Variants in NCKAP1 observed in about 807,000 individuals in gnomAD.
NCKAP1 encodes NCK associated protein 1, also known as nck-associated protein 1.
Under a neutral mutation model 151.2 loss-of-function variants are expected in NCKAP1, and 21 were observed. The observed-to-expected ratio is 0.14, with a 90% CI of 0.10 to 0.20. NCKAP1 has a LOEUF of 0.20. Among genes scored for constraint, NCKAP1 ranks in the 10% least tolerant of loss-of-function variants. The pLI is 1.00. For synonymous variants in NCKAP1, 484 were observed against 451.8 expected (o/e 1.07, Z -0.90); for missense variants, 933 against 1,352.1 (o/e 0.69, Z 4.86).
intron 23 of NCKAP1, 117 bp from the exon 24 acceptor site, chr2:182,942,280 G>A (rs1254636190): frequency 1.8e-5 from 12 of 667,100 alleles, no homozygotes; most frequent in Middle Eastern, 3.9e-4. Context: ...AAATCCAGAC[G>A]CTCTATGCTA....
At chr2:182,995,924 A>C in intron 6 of NCKAP1, 86 bp from the exon 7 acceptor site, 1 of 1,170,916 alleles carries the variant, frequency 8.5e-7, no homozygotes, top group Non-Finnish European at 1.2e-6. Flanking sequence ...TGTGTTTCTA[A>C]CTATACCATC....
In NCKAP1 at chr2:182,986,232, G is replaced by A. The variant is rs753090669; in HGVS notation, c.948-5C>T. 2 of 1,611,000 alleles carry A rather than the reference G, an allele frequency of 1.2e-6. No homozygotes were observed. Among genetic ancestry groups the A allele is most frequent in the Non-Finnish European group, 1.7e-6 (2 of 1,177,508 alleles). On this transcript the variant is annotated splice_polypyrimidine_tract_variant and splice_region_variant and intron_variant, in intron 9 of 30. Transcript: ENST00000361354. ...TCATTAATACGTTTATTATAGCTAG[G>A]TGCAAAAACAAATTAGAACGTTAGT... is the stretch of plus-strand genomic sequence containing the variant.
intron 15 of NCKAP1, 40 bp from the exon 16 acceptor site, chr2:182,967,401 T>C (rs754934316): frequency 6.5e-7 from 1 of 1,542,426 alleles, no homozygotes; most frequent in Non-Finnish European, 8.8e-7. Flanking sequence ...CAGGTAAACA[T>C]AAATGACTTC....
At chr2:182,998,943 C>T (rs937220923) in intron 6 of NCKAP1, among the ~76,000 whole-genome samples, 15 of 150,786 alleles carry the variant, frequency 9.9e-5, no homozygotes, top group Admixed American at 9.9e-4. Flanking sequence ...ATACACCTAA[C>T]CAAGGAGGTG....
At chr2:182,937,708 C>T (rs78360449) in intron 24 of NCKAP1, among the ~76,000 whole-genome samples, 6,508 of 151,996 alleles carry the variant, frequency 0.043, 192 homozygotes, top group South Asian at 0.13. Context: ...CAATGTATAC[C>T]TTTGGACCAA....
intron 6 of NCKAP1, among the ~76,000 whole-genome samples, chr2:182,997,441 C>T (rs917462679): frequency 2.0e-5 from 3 of 152,126 alleles, no homozygotes; most frequent in South Asian, 2.1e-4. Flanking sequence ...TATGTTGTGT[C>T]GCTATTTTCA....
At chr2:182,977,025 T>A (rs1697837908) in intron 14 of NCKAP1, 74 bp from the exon 15 acceptor site, 2 of 1,058,364 alleles carry the variant, frequency 1.9e-6, no homozygotes, top group Non-Finnish European at 2.7e-6. Flanking sequence ...CATTTTAAAT[T>A]TTAAGAGCTA....
chr2:182,916,863 A>G lies in NCKAP1; in HGVS notation c.*8839T>C, dbSNP rs1016158416. ...TCGTTTTCTGTTAAAGTTACATGAC[A>G]GGGAAAATAATCTTTCCCATTTAAG... On this transcript the variant is annotated 3_prime_UTR_variant, in exon 31 of 31. Coordinates refer to ENST00000361354, the MANE Select transcript of NCKAP1 (RefSeq NM_013436.5). The G allele has an allele frequency of 1.3e-5, 2 of 152,218 alleles. No homozygotes were observed. The highest frequency in any genetic ancestry group is 1.5e-5 in the Non-Finnish European group (1 of 68,036). The allele number at this position is 152,218 out of a possible 1,614,324, so 9.4% of individuals were successfully genotyped here.
chr2:182,972,224 C>CA lies in NCKAP1; in HGVS notation c.1482+4668dup, dbSNP rs56834438. Reference sequence around the variant, plus strand: ...ATAAGGAACTCAAACAGCTTAATAGCAAAAAAAAAAAAAAAAAAAAACAAA... The same window carrying CA: ...ATAAGGAACTCAAACAGCTTAATAGCAAAAAAAAAAAAAAAAAAAAAACAAA... On this transcript the variant is annotated intron_variant, in intron 15 of 30. Transcript: ENST00000361354. 4.7e-3 allele frequency among the ~76,000 whole-genome samples: 317 copies of CA among 67,696 alleles called. 3 individuals carry two copies. Among genetic ancestry groups the CA allele is most frequent in the South Asian group, 6.5e-3 (9 of 1,382 alleles). The allele number at this position is 67,696 out of a possible 152,430, so 44.4% of individuals were successfully genotyped here. A position where few individuals can be genotyped will look rare whatever the true frequency, so the allele number is the denominator to read the frequency against.
chr2:182,929,751 C>T (rs1160452467), intron 27 of NCKAP1, among the ~76,000 whole-genome samples: 1 of 141,030 alleles, frequency 7.1e-6, no homozygotes, highest in East Asian at 2.0e-4. Context: ...AACAAAATTG[C>T]ATTGTTAAAT....
At position 182,928,805 on chromosome 2, in the gene NCKAP1, A is replaced by G; in HGVS notation, c.3048T>C (p.Ser1016=). Reference sequence around the variant, plus strand: ...TACCTTCTATAGCAGGGCTGTACTGAGACATCACATTACTGGCCAGTGTTG... The same window carrying G: ...TACCTTCTATAGCAGGGCTGTACTGGGACATCACATTACTGGCCAGTGTTG... ...SLPTLASNVM[S]QYSPAIEGHC... Residue 1016 remains serine, a synonymous_variant, in exon 28 of 31, where the codon TCT becomes TCC. Coordinates refer to ENST00000361354, the MANE Select transcript of NCKAP1 (RefSeq NM_013436.5). The G allele has an allele frequency of 6.2e-7, 1 of 1,609,830 alleles. No individual in the cohort carries two copies. Among genetic ancestry groups the G allele is most frequent in the South Asian group, 1.1e-5 (1 of 90,672 alleles).
At chr2:182,990,028 C>T (rs780825776) in intron 8 of NCKAP1, among the ~76,000 whole-genome samples, 5 of 150,362 alleles carry the variant, frequency 3.3e-5, no homozygotes, top group Non-Finnish European at 7.4e-5. Context: ...ATATAATATG[C>T]ATACATACAT....
chr2:182,974,817 T>A (rs1054683566), intron 15 of NCKAP1, among the ~76,000 whole-genome samples: 2 of 152,028 alleles, frequency 1.3e-5, no homozygotes, highest in African/African-American at 4.8e-5. Context: ...AGGTATAGAT[T>A]ACATGAAAAA....
At chr2:183,029,250 CG>C (rs1698959320) in intron 1 of NCKAP1, among the ~76,000 whole-genome samples, 1 of 151,948 alleles carries the variant, frequency 6.6e-6, no homozygotes, top group African/African-American at 2.4e-5. Flanking sequence ...ATATATTATC[CG>C]GGCCACAAAA....
intron 28 of NCKAP1, 123 bp downstream of exon 28, chr2:182,928,660 A>C: frequency 1.6e-6 from 1 of 613,052 alleles, no homozygotes; most frequent in Non-Finnish European, 2.8e-6. Context: ...CAGTTTAGGA[A>C]AAGGGAAACA....
Position 183,036,805 on chromosome 2 carries a change from A to C in NCKAP1, c.108+1187T>G, listed in dbSNP as rs79734073. 9.6e-3 allele frequency among the ~76,000 whole-genome samples: 1,420 copies of C among 148,200 alleles called. 12 individuals carry two copies. Among genetic ancestry groups the C allele is most frequent in the Non-Finnish European group, 0.013 (890 of 67,752 alleles). On this transcript the variant is annotated intron_variant, in intron 1 of 30. Coordinates refer to ENST00000361354, the MANE Select transcript of NCKAP1 (RefSeq NM_013436.5). ...TCAATTTTACACTCAAACGCTTGGA[A>C]ATGAATTTCCAAAGAAAAAAAAAAA...
intron 20 of NCKAP1, among the ~76,000 whole-genome samples, chr2:182,953,641 A>C (rs1003999969): frequency 2.6e-5 from 4 of 152,052 alleles, no homozygotes; most frequent in African/African-American, 9.7e-5. Context: ...TCTCCACTAA[A>C]AATACAAAAA....
intron 2 of NCKAP1, among the ~76,000 whole-genome samples, chr2:183,013,974 A>G (rs1698635911): frequency 6.6e-6 from 1 of 152,168 alleles, no homozygotes; most frequent in South Asian, 2.1e-4. Context: ...CTTTCTTCTC[A>G]GTAAGGCCTT....
chr2:183,018,020 G>T (rs145082759), intron 2 of NCKAP1, among the ~76,000 whole-genome samples: 5 of 152,212 alleles, frequency 3.3e-5, no homozygotes, highest in Admixed American at 6.5e-5. Context: ...AGGCTGGGGC[G>T]GACGGATTGC....
Sources: gnomAD v4.1 joint callset for allele counts (sites outside exome capture counted in the v4.1 genomes callset) on GRCh38, gnomAD v4.1.1 for gene constraint, MANE v1.5 for transcripts, NCBI Gene and HGNC (gene_info 2026-07-23, HGNC 2026-07-21) for gene names.